Variants in SNTB2 observed in about 807,000 individuals in gnomAD.
SNTB2 encodes beta-2-syntrophin.
SNTB2 carries 34 observed loss-of-function variants against 46.2 expected under a neutral mutation model. The observed-to-expected ratio is 0.74, with a 90% CI of 0.56 to 0.98. The LOEUF (loss-of-function observed/expected upper bound fraction) is 0.98, where lower values mean the gene tolerates loss of function less well. Among genes scored for constraint, SNTB2 ranks in the 50% least tolerant of loss-of-function variants. SNTB2 has a pLI of 0.00. For synonymous variants in SNTB2, 290 were observed against 312.6 expected, an observed-to-expected ratio of 0.93 and a Z score of 0.76; for missense variants, 603 against 731.4, an observed-to-expected ratio of 0.82 and a Z score of 2.02.
At chr16:69,283,932 A>C in intron 4 of SNTB2, 116 bp from the exon 5 acceptor site, 1 of 924,508 alleles carries the variant, frequency 1.1e-6, no homozygotes. Context: ...TGAAATGTCT[A>C]TATCCAAAAA....
In SNTB2 at chr16:69,299,677, G is replaced by A; in HGVS notation, c.1433G>A (p.Ser478Asn). 6.2e-7 allele frequency: 1 copy of A among 1,614,168 alleles called. No individual in the cohort carries two copies. The highest frequency in any genetic ancestry group is 8.5e-7 in the Non-Finnish European group (1 of 1,180,028). The part of the protein sequence containing the change: ...TISRENGGSS[S>N]ILYRYPFERL... The stretch of plus-strand genomic sequence containing the variant: ...TCAAGGGAAAATGGAGGCTCCAGCA[G>A]CATATTGTACCGCTACCCCTTTGAA... The change falls in exon 6 of 7, where the codon AGC becomes AAC. Residue 478 changes from serine to asparagine, a missense_variant. Coordinates refer to ENST00000336278, the MANE Select transcript of SNTB2 (RefSeq NM_006750.4).
chr16:69,299,509 T>C (rs577284663), intron 5 of SNTB2, 81 bp from the exon 6 acceptor site: 1 of 1,361,486 alleles, frequency 7.3e-7, no homozygotes, highest in South Asian at 1.3e-5. Context: ...TTTTTCCTAT[T>C]TTGAAGTCAG....
Position 69,237,830 on chromosome 16 carries a change from C to T in SNTB2, c.581-7772C>T, listed in dbSNP as rs148511148. ...TGTGGTCAGGCTGGTCTTGAACTCC[C>T]GACCTCAGGTGATCCTCCTGCCTCG... On this transcript the variant is annotated intron_variant, in intron 1 of 6. Transcript: ENST00000336278. 4.2e-3 allele frequency among the ~76,000 whole-genome samples: 641 copies of T among 152,034 alleles called. 7 individuals are homozygous for T. In the South Asian group the frequency reaches 0.048, roughly 11 times the overall value.
At chr16:69,221,160 A>G (rs1364633494) in intron 1 of SNTB2, among the ~76,000 whole-genome samples, 1 of 152,226 alleles carries the variant, frequency 6.6e-6, no homozygotes, top group Non-Finnish European at 1.5e-5. Context: ...AAAGGTTTAA[A>G]ACATTCAAAA....
intron 1 of SNTB2, among the ~76,000 whole-genome samples, chr16:69,198,857 G>T (rs1180094396): frequency 1.3e-5 from 2 of 150,878 alleles, no homozygotes; most frequent in Non-Finnish European, 2.9e-5. Context: ...CTGACTGTAC[G>T]CAAATGCATG....
chr16:69,271,067 A>T (rs1014949946), intron 4 of SNTB2, among the ~76,000 whole-genome samples: 3 of 152,236 alleles, frequency 2.0e-5, no homozygotes, highest in Non-Finnish European at 4.4e-5. Context: ...CTTTGAGGAG[A>T]CAAAGATTCA....
chr16:69,294,767 C>G (rs1402874464), intron 5 of SNTB2, among the ~76,000 whole-genome samples: 1 of 151,884 alleles, frequency 6.6e-6, no homozygotes, highest in African/African-American at 2.4e-5. Context: ...ACCGCAGAGC[C>G]CTGTGTTTAT....
At chr16:69,264,637 T>C (rs1415700173) in intron 3 of SNTB2, among the ~76,000 whole-genome samples, 2 of 152,056 alleles carry the variant, frequency 1.3e-5, no homozygotes, top group African/African-American at 4.8e-5. Flanking sequence ...GTGGGAAAAG[T>C]GGACACCTAA....
intron 1 of SNTB2, among the ~76,000 whole-genome samples, chr16:69,224,050 G>T (rs1320332497): frequency 1.3e-5 from 2 of 152,058 alleles, no homozygotes; most frequent in Non-Finnish European, 2.9e-5. Context: ...ATATATGGAG[G>T]TTACTCATTC....
chr16:69,243,541 A>G (rs555470898), intron 1 of SNTB2, among the ~76,000 whole-genome samples: 27 of 152,308 alleles, frequency 1.8e-4, no homozygotes, highest in African/African-American at 6.3e-4. Flanking sequence ...TTCTTTTCTA[A>G]CCACTATATT....
intron 2 of SNTB2, among the ~76,000 whole-genome samples, chr16:69,258,373 A>G (rs1964798803): frequency 6.6e-6 from 1 of 152,098 alleles, no homozygotes; most frequent in Admixed American, 6.6e-5. Context: ...TATTCAATAG[A>G]TTGCTTTATA....
intron 1 of SNTB2, among the ~76,000 whole-genome samples, chr16:69,200,836 T>A (rs1964154010): frequency 6.6e-6 from 1 of 152,228 alleles, no homozygotes; most frequent in Admixed American, 6.5e-5. Context: ...CTTGAAGTAA[T>A]GTTTGTATAT....
rs1363821356 is a variant in SNTB2 at position 69,300,851 on chromosome 16, G to A, written c.1550G>A (p.Cys517Tyr). ...EGELTMDLHS[C>Y]PKPIVFVLHT... ...CCACAGACCATGGACCTGCACTCTT[G>A]TCCGAAGCCGATTGTATTTGTGTTG... The change falls in exon 7 of 7, where the codon TGT becomes TAT. Residue 517 changes from cysteine to tyrosine, a missense_variant. Cys to Tyr is a radical substitution (Grantham distance 194). Around this residue, in one of 2 missense-constraint regions of SNTB2, gnomAD observed 537 missense variants for 692.4 expected, o/e 0.78. Coordinates refer to ENST00000336278, the MANE Select transcript of SNTB2 (RefSeq NM_006750.4). 1 of 1,613,902 alleles carries A rather than the reference G, an allele frequency of 6.2e-7. No homozygotes were observed.
chr16:69,271,903 A>G (rs1304391166), intron 4 of SNTB2, among the ~76,000 whole-genome samples: 1 of 152,230 alleles, frequency 6.6e-6, no homozygotes, highest in African/African-American at 2.4e-5. Context: ...GGCATGGACC[A>G]CCAAAGCACT....
At chr16:69,295,797 T>C (rs1240865666) in intron 5 of SNTB2, among the ~76,000 whole-genome samples, 1 of 151,940 alleles carries the variant, frequency 6.6e-6, no homozygotes, top group Non-Finnish European at 1.5e-5. Context: ...GAAAGGCTTA[T>C]TTCCCCTATC....
chr16:69,264,290 C>T (rs1964864791), intron 3 of SNTB2, among the ~76,000 whole-genome samples: 1 of 152,148 alleles, frequency 6.6e-6, no homozygotes, highest in Non-Finnish European at 1.5e-5. Context: ...CTGGGTCTGC[C>T]CTACCTGAAG....
At chr16:69,295,696 G>A (rs1450346976) in intron 5 of SNTB2, among the ~76,000 whole-genome samples, 2 of 150,928 alleles carry the variant, frequency 1.3e-5, no homozygotes, top group African/African-American at 4.9e-5. Context: ...CGTCAGAAAA[G>A]GGCCACTCCT....
intron 1 of SNTB2, among the ~76,000 whole-genome samples, chr16:69,220,707 T>A (rs1477934364): frequency 3.3e-5 from 5 of 151,756 alleles, no homozygotes; most frequent in African/African-American, 4.8e-5. Context: ...TTAAAAAAAA[T>A]TTTTTTTAGA....
In SNTB2 at chr16:69,245,561, G is replaced by T. The variant is rs1466654635; in HGVS notation, c.581-41G>T. On this transcript the variant is annotated intron_variant, in intron 1 of 6. Coordinates refer to ENST00000336278, the MANE Select transcript of SNTB2 (RefSeq NM_006750.4). ...CTTTAGTTATCATTTATTATAGGAA[G>T]CAAAATTACTAACCTTCTTCTTTGA... 2.1e-5 allele frequency: 33 copies of T among 1,579,584 alleles called. No homozygotes were observed. In the Admixed American group the frequency reaches 5.4e-4, roughly 26 times the overall value.
Sources: allele counts gnomAD v4.1 joint callset (sites outside exome capture counted in the v4.1 genomes callset), GRCh38; gene constraint gnomAD v4.1.1; regional missense constraint gnomAD v4.1.1; transcripts MANE v1.5; gene names NCBI Gene and HGNC (gene_info 2026-07-23, HGNC 2026-07-21).